DPP6: variants seen among roughly 807,000 people sequenced by gnomAD.
The protein encoded by DPP6 is A-type potassium channel modulatory protein DPP6.
A neutral mutation model predicts 122.6 loss-of-function variants in DPP6; 69 were observed. That is an observed-to-expected ratio of 0.56 (90% CI 0.46 to 0.69). DPP6 has a LOEUF of 0.69. DPP6 is among the 30% of genes least tolerant of loss of function. The pLI, the probability that DPP6 is intolerant of heterozygous loss-of-function variation, is 0.00. For missense variants in DPP6, 928 were observed against 1,116.9 expected (o/e 0.83, Z 2.41); for synonymous variants, 418 against 433.1 (o/e 0.97, Z 0.43).
In DPP6 at chr7:154,881,301, G is replaced by C. The variant is rs1179615406; in HGVS notation, c.2133+359G>C. Among the ~76,000 whole-genome samples the C allele has an allele frequency of 2.6e-5, 4 of 152,232 alleles. No homozygotes were observed. In the South Asian group the frequency reaches 8.3e-4, roughly 32 times the overall value. ...CTATTTCTGGATAACTCGATGTGGA[G>C]TAACAACGTTAATTACCATGTCTAC... On this transcript the variant is annotated intron_variant, in intron 21 of 25. Transcript: ENST00000377770.
At chr7:154,062,709 G>T (rs547147212) in intron 1 of DPP6, among the ~76,000 whole-genome samples, 1 of 61,378 alleles carries the variant, frequency 1.6e-5, no homozygotes, top group Admixed American at 1.6e-4. Context: ...GCACCTGGCT[G>T]TTGGTACCCC....
chr7:154,040,752 G>T (rs1447183545), intron 1 of DPP6, among the ~76,000 whole-genome samples: 2 of 152,184 alleles, frequency 1.3e-5, no homozygotes, highest in African/African-American at 4.8e-5. Context: ...CCTAGGGGCT[G>T]GAACATTTTT....
chr7:154,862,674 G>A (rs931032497), intron 17 of DPP6, among the ~76,000 whole-genome samples: 8 of 152,146 alleles, frequency 5.3e-5, no homozygotes, highest in African/African-American at 9.7e-5. Context: ...CACTGCACCC[G>A]CTCATCCGTG....
intron 1 of DPP6, among the ~76,000 whole-genome samples, chr7:154,295,833 T>G (rs1017928795): frequency 6.6e-6 from 1 of 152,166 alleles, no homozygotes; most frequent in African/African-American, 2.4e-5. Context: ...TATTTACATT[T>G]ATATTTAGAT....
chr7:154,519,310 TC>T (rs1434286536), intron 3 of DPP6, among the ~76,000 whole-genome samples: 1 of 152,190 alleles, frequency 6.6e-6, no homozygotes, highest in Non-Finnish European at 1.5e-5. Flanking sequence ...TGTCCCTCTG[TC>T]CTTGGTGGCA....
the DPP6 span, among the ~76,000 whole-genome samples, chr7:153,800,075 A>G: frequency 5.3e-5 from 8 of 152,204 alleles, no homozygotes; most frequent in South Asian, 2.1e-4. Flanking sequence ...TGCTGGGAAT[A>G]TATCCAAAAC....
chr7:154,761,046 G>T (rs1795517382), intron 8 of DPP6, among the ~76,000 whole-genome samples: 1 of 152,114 alleles, frequency 6.6e-6, no homozygotes, highest in African/African-American at 2.4e-5. Flanking sequence ...TGTTGACCAG[G>T]CTGGTCTCAA....
intron 1 of DPP6, among the ~76,000 whole-genome samples, chr7:154,053,569 G>T (rs965081052): frequency 2.7e-5 from 4 of 150,924 alleles, no homozygotes; most frequent in African/African-American, 9.8e-5. Flanking sequence ...CCTCTCCTTC[G>T]TTCCTCTTCT....
Position 154,060,718 on chromosome 7 carries a change from G to A in DPP6, c.243+7655G>A, listed in dbSNP as rs368332779. On this transcript the variant is annotated intron_variant, in intron 1 of 25. Coordinates refer to ENST00000377770, the MANE Select transcript of DPP6 (RefSeq NM_130797.4). The stretch of plus-strand genomic sequence containing the variant: ...TGGCTGTTAGTACCCCCATCGCAGG[G>A]GGGGAGGCACCCCCCGCGAGGCAGG... 7.3e-3 allele frequency among the ~76,000 whole-genome samples: 551 copies of A among 75,164 alleles called. 5 individuals carry two copies. The East Asian group carries it at 0.09, about 12-fold the overall frequency. 49.3% of individuals were successfully genotyped at this position (75,164 alleles called of 152,430 possible). A position where few individuals can be genotyped will look rare whatever the true frequency, so the allele number is the denominator to read the frequency against.
intron 1 of DPP6, among the ~76,000 whole-genome samples, chr7:154,080,266 G>A (rs533391362): frequency 1.2e-4 from 19 of 152,188 alleles, no homozygotes; most frequent in East Asian, 5.8e-4. Context: ...AAGATTGGCC[G>A]TTGACTCTAA....
At chr7:154,281,523 C>G (rs532562735) in intron 1 of DPP6, among the ~76,000 whole-genome samples, 1 of 152,130 alleles carries the variant, frequency 6.6e-6, no homozygotes, top group African/African-American at 2.4e-5. Context: ...AAACTTAACA[C>G]CACCACTGTT....
chr7:153,783,394 A>T, the DPP6 span, among the ~76,000 whole-genome samples: 2 of 152,140 alleles, frequency 1.3e-5, no homozygotes, highest in African/African-American at 4.8e-5. Context: ...AGCCTCACTC[A>T]TTATCACAAG....
At chr7:153,964,248 G>A (rs1314812338) in intron 1 of DPP6, among the ~76,000 whole-genome samples, 1 of 152,014 alleles carries the variant, frequency 6.6e-6, no homozygotes, top group Non-Finnish European at 1.5e-5. Context: ...CACCTGCCTC[G>A]GCCTCCCAAA....
chr7:153,938,319 A>G (rs1057173721), intron 1 of DPP6, among the ~76,000 whole-genome samples: 2 of 152,180 alleles, frequency 1.3e-5, no homozygotes, highest in Non-Finnish European at 2.9e-5. Context: ...AAGTCCTGCC[A>G]TTGGGTTGGC....
At chr7:154,450,750 CTTGT>C (rs1820289758) in intron 2 of DPP6, among the ~76,000 whole-genome samples, 1 of 152,184 alleles carries the variant, frequency 6.6e-6, no homozygotes, top group African/African-American at 2.4e-5. Context: ...AAAGCCAATC[CTTGT>C]TTTGTTTTAT....
In DPP6 at chr7:154,410,674, A is replaced by G. The variant is rs10262871; in HGVS notation, c.244-35540A>G. ...AAGGATCTTTCATCGAAGGATGTTAAGAGCAAAATGGATTCTGCATTATTG... is the reference window on the plus strand; with the variant it reads ...AAGGATCTTTCATCGAAGGATGTTAGGAGCAAAATGGATTCTGCATTATTG... On this transcript the variant is annotated intron_variant, in intron 1 of 25. Transcript: ENST00000377770. 4.9e-3 allele frequency among the ~76,000 whole-genome samples: 741 copies of G among 152,376 alleles called. 6 individuals are homozygous for G. The highest frequency in any genetic ancestry group is 0.017 in the African/African-American group (704 of 41,588).
chr7:154,749,279 G>A, intron 8 of DPP6, among the ~76,000 whole-genome samples: 2 of 138,026 alleles, frequency 1.4e-5, no homozygotes, highest in African/African-American at 5.4e-5. Context: ...GCATAGGACA[G>A]GAGGGAGAGG....
chr7:154,552,528 T>C (rs1829713021), intron 4 of DPP6, among the ~76,000 whole-genome samples: 1 of 152,240 alleles, frequency 6.6e-6, no homozygotes, highest in African/African-American at 2.4e-5. Flanking sequence ...AATGGGTTTG[T>C]TGCCAGGATC....
intron 1 of DPP6, among the ~76,000 whole-genome samples, chr7:154,130,278 C>T (rs1449853674): frequency 2.0e-5 from 3 of 152,060 alleles, no homozygotes; most frequent in East Asian, 1.9e-4. Flanking sequence ...GTTCCTTAGT[C>T]GTTGCCACTG....
Sources: gnomAD v4.1 joint callset for allele counts (sites outside exome capture counted in the v4.1 genomes callset) on GRCh38, gnomAD v4.1.1 for gene constraint, MANE v1.5 for transcripts, NCBI Gene and HGNC (gene_info 2026-07-23, HGNC 2026-07-21) for gene names.